The following WDR33 variants were observed in gnomAD, a reference collection of about 807,000 sequenced individuals.
WDR33 encodes pre-mRNA 3' end processing protein WDR33.
In WDR33, 47 loss-of-function variants were observed where a neutral mutation model predicts 164.9. That is an observed-to-expected ratio of 0.29 (90% CI 0.23 to 0.36). The LOEUF (loss-of-function observed/expected upper bound fraction) is 0.36. Among genes scored for constraint, WDR33 ranks in the 10% least tolerant of loss-of-function variants. The pLI, the probability that WDR33 is intolerant of heterozygous loss-of-function variation, is 1.00. For synonymous variants in WDR33, 505 were observed against 589.0 expected (o/e 0.86, Z 2.06); for missense variants, 1,137 against 1,754.1 (o/e 0.65, Z 6.28).
chr2:127,743,884 C>T (rs35866011), intron 7 of WDR33, among the ~76,000 whole-genome samples: 20,058 of 152,000 alleles, frequency 0.13, 1,437 homozygotes, highest in South Asian at 0.25. Flanking sequence ...GACAGATATA[C>T]CAAAATACAT....
rs1685868907 is a variant in WDR33, at chr2:127,701,205, G to C, written c.*5118C>G. The C allele has an allele frequency of 4.7e-6, 1 of 214,082 alleles. No individual in the cohort carries two copies. The highest frequency in any genetic ancestry group is 1.9e-4 in the South Asian group (1 of 5,384). The allele number at this position is 214,082 out of a possible 1,614,324, so 13.3% of individuals were successfully genotyped here. On this transcript the variant is annotated 3_prime_UTR_variant, in exon 22 of 22. Transcript: ENST00000322313. Reference sequence around the variant, plus strand: ...TCCGTCAGCAAAAGGGTCACTTCTTGTGCCCCTTTAGAACCACACCCACCC... The same window carrying C: ...TCCGTCAGCAAAAGGGTCACTTCTTCTGCCCCTTTAGAACCACACCCACCC...
At position 127,725,230 on chromosome 2, in the gene WDR33, T is replaced by G; in HGVS notation, c.852-15A>C. 6.4e-7 allele frequency: 1 copy of G among 1,573,584 alleles called. No individual in the cohort carries two copies. The highest frequency in any genetic ancestry group is 8.6e-7 in the Non-Finnish European group (1 of 1,167,336). ...TATGGGCATGACTAGAAACAAAGTA[T>G]CAAAAAAAAATGTCAGAATTCAAAA... On this transcript the variant is annotated splice_polypyrimidine_tract_variant and intron_variant, in intron 8 of 21. Coordinates refer to ENST00000322313, the MANE Select transcript of WDR33 (RefSeq NM_018383.5).
intron 7 of WDR33, among the ~76,000 whole-genome samples, chr2:127,728,493 T>C (rs755173357): frequency 6.6e-6 from 1 of 152,208 alleles, no homozygotes; most frequent in Non-Finnish European, 1.5e-5. Flanking sequence ...TATTCTATAT[T>C]TTTATATTTT....
At chr2:127,750,683 T>TAC (rs1687313201) in intron 7 of WDR33, among the ~76,000 whole-genome samples, 2 of 36,298 alleles carry the variant, frequency 5.5e-5, no homozygotes, top group African/African-American at 3.7e-4. Flanking sequence ...AAAAAATATA[T>TAC]ATATATATAT....
chr2:127,707,887 G>A (rs1316068084), intron 21 of WDR33, among the ~76,000 whole-genome samples: 9 of 152,266 alleles, frequency 5.9e-5, no homozygotes, highest in South Asian at 2.1e-4. Context: ...CCTGGGAGGC[G>A]GGGGTTGCTT....
rs757086279 is a variant in WDR33 at position 127,725,240 on chromosome 2, AT to A, written c.852-26del. ...ACTAGAAACAAAGTATCAAAAAAAA[AT>A]GTCAGAATTCAAAACAAGTATAAAT... is the stretch of plus-strand genomic sequence containing the variant. On this transcript the variant is annotated intron_variant, in intron 8 of 21. Coordinates refer to ENST00000322313, the MANE Select transcript of WDR33 (RefSeq NM_018383.5). The A allele has an allele frequency of 3.3e-4, 523 of 1,573,022 alleles. 2 individuals are homozygous for A. Among genetic ancestry groups the A allele is most frequent in the South Asian group, 4.0e-4 (34 of 84,328 alleles).
chr2:127,726,179 G>A lies in WDR33; in HGVS notation c.851+472C>T, dbSNP rs1558925904. Among the ~76,000 whole-genome samples, 1 of 152,176 alleles carries A rather than the reference G, an allele frequency of 6.6e-6. No individual in the cohort carries two copies. The highest frequency in any genetic ancestry group is 1.5e-5 in the Non-Finnish European group (1 of 68,028). On this transcript the variant is annotated intron_variant, in intron 8 of 21. Transcript: ENST00000322313. The surrounding 1 kb of genome is among the most constrained non-coding windows in gnomAD (Gnocchi z 4.8). Reference sequence around the variant, plus strand: ...TAGCTGTGAATGTTCACAAATAACTGAAAGAGAAAACTAGATTACATAGCT... The same window carrying A: ...TAGCTGTGAATGTTCACAAATAACTAAAAGAGAAAACTAGATTACATAGCT...
chr2:127,763,890 C>T lies in WDR33; in HGVS notation c.627-731G>A, dbSNP rs1409925898. On this transcript the variant is annotated intron_variant, in intron 6 of 21. Transcript: ENST00000322313. This position sits in a 1 kb window ranked among gnomAD's most constrained non-coding sequence, Gnocchi z 4.5. Reference sequence around the variant, plus strand: ...TCCTATGAAGGACCAGCTGTGTAAACTCAATGTATGGGCATGACACTAAGG... The same window carrying T: ...TCCTATGAAGGACCAGCTGTGTAAATTCAATGTATGGGCATGACACTAAGG... 1.0e-6 allele frequency: 1 copy of T among 985,564 alleles called. No homozygotes were observed. The highest frequency in any genetic ancestry group is 6.1e-5 in the Admixed American group (1 of 16,272). 61.1% of individuals were successfully genotyped at this position (985,564 alleles called of 1,614,324 possible). A position where few individuals can be genotyped will look rare whatever the true frequency, so the allele number is the denominator to read the frequency against.
In WDR33 at chr2:127,709,690, C is replaced by T. The variant is rs763819240; in HGVS notation, c.3472+3G>A. 3.1e-6 allele frequency: 5 copies of T among 1,614,098 alleles called. No individual in the cohort carries two copies. Among genetic ancestry groups the T allele is most frequent in the African/African-American group, 2.7e-5 (2 of 74,928 alleles). On this transcript the variant is annotated splice_donor_region_variant and intron_variant, in intron 19 of 21. Coordinates refer to ENST00000322313, the MANE Select transcript of WDR33 (RefSeq NM_018383.5). This position sits in a 1 kb window ranked among gnomAD's most constrained non-coding sequence, Gnocchi z 5.0. The stretch of plus-strand genomic sequence containing the variant: ...GACCAGGTGTCTTTAGTAACTCGCT[C>T]ACCTCGTGGGGTACCCCGACCTCGA...
chr2:127,725,501 C>T (rs1283832883), intron 8 of WDR33, among the ~76,000 whole-genome samples: 2 of 152,116 alleles, frequency 1.3e-5, no homozygotes, highest in Non-Finnish European at 2.9e-5. Flanking sequence ...CTTTGGGAAG[C>T]CTAGGCGAGT....
chr2:127,794,180 CAAGA>C (rs1688942524), intron 1 of WDR33, among the ~76,000 whole-genome samples: 2 of 75,992 alleles, frequency 2.6e-5, no homozygotes, highest in Admixed American at 1.7e-4. Flanking sequence ...CAGACAGAGA[CAAGA>C]AAGAAAGTAA....
intron 1 of WDR33, among the ~76,000 whole-genome samples, chr2:127,774,201 G>A (rs1688106917): frequency 6.6e-6 from 1 of 151,768 alleles, no homozygotes; most frequent in African/African-American, 2.4e-5. Context: ...ACAGGCATCT[G>A]CCACCATGCC....
At chr2:127,801,095 T>A (rs1421078507) in intron 1 of WDR33, among the ~76,000 whole-genome samples, 1 of 143,106 alleles carries the variant, frequency 7.0e-6, no homozygotes, top group African/African-American at 2.7e-5. Context: ...AGTGAGACCC[T>A]GTCTCTAGGA....
In WDR33 at chr2:127,735,733, AT is replaced by A. The variant is rs1348322955; in HGVS notation, c.725-8957del. 1 of 985,452 alleles carries A rather than the reference AT, an allele frequency of 1.0e-6. No individual in the cohort carries two copies. 61.0% of individuals were successfully genotyped at this position (985,452 alleles called of 1,614,324 possible). On this transcript the variant is annotated intron_variant, in intron 7 of 21. Transcript: ENST00000322313. This position sits in a 1 kb window ranked among gnomAD's most constrained non-coding sequence, Gnocchi z 4.3. ...GCCAGATACTCCAGTTGGACAGAGGATTTAAGATTTTAAAAAATTAAGAAGC... is the reference window on the plus strand; with the variant it reads ...GCCAGATACTCCAGTTGGACAGAGGATTAAGATTTTAAAAAATTAAGAAGC...
At chr2:127,800,187 C>A (rs1348294361) in intron 1 of WDR33, among the ~76,000 whole-genome samples, 1 of 152,174 alleles carries the variant, frequency 6.6e-6, no homozygotes, top group Non-Finnish European at 1.5e-5. Flanking sequence ...ATTATGTCCA[C>A]ACAAATATTT....
chr2:127,764,339 G>T lies in WDR33; in HGVS notation c.626+489C>A, dbSNP rs528254920. The T allele has an allele frequency of 3.6e-6, 5 of 1,375,904 alleles. No individual in the cohort carries two copies. The highest frequency in any genetic ancestry group is 3.5e-5 in the Admixed American group (1 of 28,412). The allele number at this position is 1,375,904 out of a possible 1,614,324, so 85.2% of individuals were successfully genotyped here. ...TTTGCCACATCCAGTTATCTGTGAG[G>T]GTTTTAGTCCTATACTTTCCTTTGG... On this transcript the variant is annotated intron_variant, in intron 6 of 21. Coordinates refer to ENST00000322313, the MANE Select transcript of WDR33 (RefSeq NM_018383.5). The surrounding 1 kb of genome is among the most constrained non-coding windows in gnomAD (Gnocchi z 6.2).
chr2:127,742,953 G>A (rs1218295766), intron 7 of WDR33, among the ~76,000 whole-genome samples: 1 of 151,218 alleles, frequency 6.6e-6, no homozygotes, highest in Non-Finnish European at 1.5e-5. Context: ...ATAAAATAAT[G>A]AGACTCAGGA....
intron 18 of WDR33, among the ~76,000 whole-genome samples, chr2:127,711,776 A>ATTTTTTTTTTTTTTT (rs1284723078): frequency 3.8e-4 from 36 of 94,068 alleles, no homozygotes; most frequent in Middle Eastern, 6.2e-3. Context: ...ATATATATAT[A>ATTTTTTTTTTTTTTT]TATATTTTTT....
rs1686122793 is a variant in WDR33 at position 127,710,102 on chromosome 2, GTATATA to G, written c.3309-252_3309-247del. On this transcript the variant is annotated intron_variant, in intron 18 of 21. Transcript: ENST00000322313. The surrounding 1 kb of genome is among the most constrained non-coding windows in gnomAD (Gnocchi z 4.4). ...CTTTAAGCTTCTTTTAGGCTTTTAGGTATATACAAGTATTACTTCATTTCATTCATT... is the reference window on the plus strand; with the variant it reads ...CTTTAAGCTTCTTTTAGGCTTTTAGGCAAGTATTACTTCATTTCATTCATT... Among the ~76,000 whole-genome samples the G allele has an allele frequency of 6.6e-6, 1 of 152,182 alleles. No homozygotes were observed. The highest frequency in any genetic ancestry group is 2.4e-5 in the African/African-American group (1 of 41,436).
Sources: gnomAD v4.1 joint callset for allele counts (sites outside exome capture counted in the v4.1 genomes callset) on GRCh38, gnomAD v4.1.1 for gene constraint, Gnocchi (gnomAD v3.1) non-coding constraint, MANE v1.5 for transcripts, NCBI Gene and HGNC (gene_info 2026-07-23, HGNC 2026-07-21) for gene names.